The following ACP4 variants were observed in gnomAD, a reference collection of about 807,000 sequenced individuals.
ACP4 encodes acid phosphatase 4.
Under a neutral mutation model 47.3 loss-of-function variants are expected in ACP4, and 49 were observed. The observed-to-expected ratio is 1.04, with a 90% CI of 0.82 to 1.32. ACP4 has a LOEUF of 1.32. ACP4 is among the 40% of genes most tolerant of loss of function. ACP4 has a pLI of 0.00. For missense variants in ACP4, 594 were observed against 579.3 expected (o/e 1.03, Z -0.26); for synonymous variants, 299 against 265.3 (o/e 1.13, Z -1.23).
At chr19:50,794,045 A>C in intron 8 of ACP4, 75 bp downstream of exon 8, 1 of 1,552,932 alleles carries the variant, frequency 6.4e-7, no homozygotes, top group South Asian at 1.1e-5. Context: ...GGTGAGGAAG[A>C]GCCTGTGGTC....
At chr19:50,791,577 A>G in intron 3 of ACP4, 79 bp from the exon 4 acceptor site, 1 of 1,545,012 alleles carries the variant, frequency 6.5e-7, no homozygotes, top group Non-Finnish European at 8.8e-7. Context: ...AGTGAATCTG[A>G]GGCTTCTGAT....
At position 50,794,025 on chromosome 19, in the gene ACP4, C is replaced by G. The variant is rs2089533278; in HGVS notation, c.861+55C>G. The G allele has an allele frequency of 3.1e-6, 5 of 1,599,052 alleles. No individual in the cohort carries two copies. The African/African-American group carries it at 6.7e-5, about 21-fold the overall frequency. On this transcript the variant is annotated intron_variant, in intron 8 of 10. Transcript: ENST00000270593. Reference sequence around the variant, plus strand: ...CACTGAGGCACAGGGATGAGGGTGACAGCGATTTAGGTGAGGAAGAGCCTG... The same window carrying G: ...CACTGAGGCACAGGGATGAGGGTGAGAGCGATTTAGGTGAGGAAGAGCCTG...
chr19:50,793,610 G>C lies in ACP4; in HGVS notation c.646-74G>C, dbSNP rs1481943975. On this transcript the variant is annotated intron_variant, in intron 6 of 10. Transcript: ENST00000270593. ...CCATGGGGGGACTCAGAAGAGCAGG[G>C]GGCAGCACAGGCCTGCGGGGCCAGA... 6 of 1,578,370 alleles carry C rather than the reference G, an allele frequency of 3.8e-6. No homozygotes were observed. In the African/African-American group the frequency reaches 8.1e-5, roughly 21 times the overall value.
In ACP4 at chr19:50,794,769, A is replaced by G; in HGVS notation, c.987-17A>G. The G allele has an allele frequency of 1.9e-6, 3 of 1,586,022 alleles. No homozygotes were observed. The highest frequency in any genetic ancestry group is 1.7e-6 in the Non-Finnish European group (2 of 1,163,204). On this transcript the variant is annotated splice_polypyrimidine_tract_variant and intron_variant, in intron 9 of 10. Transcript: ENST00000270593. ...ATGACAGGAGGGAGGAGGTGCCACC[A>G]TGTCCTCTCTCTCCAGGAATGTCAC...
In ACP4 at chr19:50,790,821, C is replaced by T; in HGVS notation, c.264C>T (p.Arg88=). 1 of 1,548,920 alleles carries T rather than the reference C, an allele frequency of 6.5e-7. No homozygotes were observed. The highest frequency in any genetic ancestry group is 8.7e-7 in the Non-Finnish European group (1 of 1,146,798). ...AGCTGGGCCGCTTCCTGAGGAGCCG[C>T]TACGAGGCCTTCCTGAGTCCGGAGT... ...QLELGRFLRS[R]YEAFLSPEYR... The change falls in exon 3 of 11, where the codon CGC becomes CGT. Residue 88 remains arginine (R), a synonymous_variant. Transcript: ENST00000270593.
rs546603773 is a variant in ACP4, at chr19:50,791,780, C to G, written c.428C>G (p.Thr143Arg). 9 of 1,610,330 alleles carry G rather than the reference C, an allele frequency of 5.6e-6. No individual in the cohort carries two copies. The South Asian group carries it at 9.9e-5, about 18-fold the overall frequency. Residue 143 changes from threonine to arginine, a missense_variant, in exon 4 of 11, where the codon ACG becomes AGG. Thr to Arg is a moderately conservative substitution (Grantham distance 71). Transcript: ENST00000270593. ...CGCTGGAGGCCGATCCCGGTGCACA[C>G]GGTGCCCGTGGCTGAGGATAAGGTC... ...EARWRPIPVH[T>R]VPVAEDKLLR...
Position 50,794,933 on chromosome 19 carries a change from C to T in ACP4, c.1134C>T (p.Cys378=). 3.7e-6 allele frequency: 6 copies of T among 1,613,158 alleles called. No individual in the cohort carries two copies. Among genetic ancestry groups the T allele is most frequent in the Non-Finnish European group, 5.1e-6 (6 of 1,179,682 alleles). Residue 378 remains cysteine (C), a synonymous_variant, in exon 10 of 11, where the codon TGC becomes TGT. Coordinates refer to ENST00000270593, the MANE Select transcript of ACP4 (RefSeq NM_033068.3). ...PARPPAHGVS[C]HGPYEAAIPP... ...GGCCTCCCGCCCATGGGGTCTCCTG[C>T]CATGGCCCCTATGAGGCTGCCATCC...
chr19:50,792,660 CTGAAATGATGCAATGCTT>C (rs1416031009), intron 6 of ACP4: 1 of 248,858 alleles, frequency 4.0e-6, no homozygotes, highest in East Asian at 8.5e-5. Context: ...GGGAGCTGAC[CTGAAATGATGCAATGCTT>C]TTTTTTTTTT....
chr19:50,794,921 TG>T lies in ACP4; in HGVS notation c.1126del (p.Val376SerfsTer24). ...LTAPARPPAH[G>X]VSCHGPYEAA... is the part of the protein sequence containing the mutation. ...CTGCCCCGGCCCGGCCTCCCGCCCA[TG>T]GGGTCTCCTGCCATGGCCCCTATGA... On this transcript the variant is annotated frameshift_variant, in exon 10 of 11. Transcript: ENST00000270593. LOFTEE classifies it high-confidence loss of function. 1 of 1,613,432 alleles carries T rather than the reference TG, an allele frequency of 6.2e-7. No individual in the cohort carries two copies. The highest frequency in any genetic ancestry group is 8.5e-7 in the Non-Finnish European group (1 of 1,179,874).
At chr19:50,791,346 C>A (rs999269696) in intron 3 of ACP4, among the ~76,000 whole-genome samples, 1 of 152,172 alleles carries the variant, frequency 6.6e-6, no homozygotes, top group South Asian at 2.1e-4. Context: ...GACTCCAAGT[C>A]CTCCAAGCTG....
chr19:50,793,702 C>T lies in ACP4; in HGVS notation c.664C>T (p.Leu222=). The T allele has an allele frequency of 6.2e-7, 1 of 1,613,594 alleles. No individual in the cohort carries two copies. Among genetic ancestry groups the T allele is most frequent in the Non-Finnish European group, 8.5e-7 (1 of 1,180,014 alleles). The change falls in exon 7 of 11, where the codon CTA becomes TTA. Residue 222 remains leucine, a synonymous_variant. Coordinates refer to ENST00000270593, the MANE Select transcript of ACP4 (RefSeq NM_033068.3). ...CCCACAGCAAGCCCACGGTCTTCCA[C>T]TACCAGCCTGGGCCTCCCCAGATGT... The part of the protein sequence containing the change: ...LMCQQAHGLP[L]PAWASPDVLR...
At position 50,795,124 on chromosome 19, in the gene ACP4, C is replaced by A; in HGVS notation, c.1247C>A (p.Pro416Gln). The A allele has an allele frequency of 6.4e-7, 1 of 1,564,446 alleles. No homozygotes were observed. The highest frequency in any genetic ancestry group is 1.4e-5 in the African/African-American group (1 of 73,718). Residue 416 changes from proline to glutamine, a missense_variant, in exon 11 of 11, where the codon CCA becomes CAA. By Grantham distance (76) the Pro-to-Gln change is moderately conservative (BLOSUM62 -1). Transcript: ENST00000270593. Reference sequence around the variant, plus strand: ...GGGCTGGGCCTGCTGGCCTGGAGACCAGGGTGCCTGCGGGCCTTGGGGGGC... The same window carrying A: ...GGGCTGGGCCTGCTGGCCTGGAGACAAGGGTGCCTGCGGGCCTTGGGGGGC... ...SLGLGLLAWR[P>Q]GCLRALGGPV
chr19:50,791,526 T>G, intron 3 of ACP4, 130 bp from the exon 4 acceptor site: 1 of 1,351,004 alleles, frequency 7.4e-7, no homozygotes, highest in South Asian at 1.3e-5. Context: ...ACTTCCAACT[T>G]CGAAGGCCAC....
chr19:50,794,616 G>A (rs756968722), intron 9 of ACP4, 35 bp downstream of exon 9: 1 of 1,613,844 alleles, frequency 6.2e-7, no homozygotes. Flanking sequence ...ACATGGGTGG[G>A]ACAGAACTCT....
chr19:50,794,894 G>A lies in ACP4; in HGVS notation c.1095G>A (p.Leu365=), dbSNP rs1389435787. ...APCPLGRFYQ[L]TAPARPPAHG... is the part of the protein sequence containing the mutation. ...GTCCACTAGGCCGCTTCTACCAGCT[G>A]ACTGCCCCGGCCCGGCCTCCCGCCC... Residue 365 remains leucine, a synonymous_variant, in exon 10 of 11, where the codon CTG becomes CTA. Coordinates refer to ENST00000270593, the MANE Select transcript of ACP4 (RefSeq NM_033068.3). 6.2e-7 allele frequency: 1 copy of A among 1,613,678 alleles called. No individual in the cohort carries two copies. The highest frequency in any genetic ancestry group is 8.5e-7 in the Non-Finnish European group (1 of 1,179,946).
At chr19:50,792,385 A>G in intron 6 of ACP4, 48 bp downstream of exon 6, 1 of 1,580,624 alleles carries the variant, frequency 6.3e-7, no homozygotes, top group Non-Finnish European at 8.6e-7. Flanking sequence ...ACCTGTTTCC[A>G]ATCCCAGCTT....
chr19:50,792,111 C>G lies in ACP4; in HGVS notation c.489C>G (p.His163Gln), dbSNP rs144958224. Residue 163 changes from histidine (H) to glutamine (Q), a missense_variant, in exon 5 of 11, where the codon CAC becomes CAG. Physicochemically the swap from His to Gln is conservative, Grantham distance 24. Coordinates refer to ENST00000270593, the MANE Select transcript of ACP4 (RefSeq NM_033068.3). ...RFPMRSCPRY[H>Q]ELLREATEAA... is the part of the protein sequence containing the mutation. The stretch of plus-strand genomic sequence containing the variant: ...CCATGCGCAGCTGTCCCCGATACCA[C>G]GAGCTGCTGCGGGAGGCCACCGAGG... The G allele has an allele frequency of 3.7e-6, 6 of 1,604,342 alleles. No individual in the cohort carries two copies. Among genetic ancestry groups the G allele is most frequent in the Non-Finnish European group, 5.1e-6 (6 of 1,176,982 alleles).
chr19:50,794,481 CA>C lies in ACP4; in HGVS notation c.887del (p.Gln296ArgfsTer64). The part of the protein sequence containing the change: ...SAHDSTLLAL[Q>X]GALGLYDGHT... Reference sequence around the variant, plus strand: ...GCATGACAGCACCCTGCTGGCCCTCCAGGGGGCCCTGGGCCTCTATGATGGA... The same window carrying C: ...GCATGACAGCACCCTGCTGGCCCTCCGGGGGCCCTGGGCCTCTATGATGGA... On this transcript the variant is annotated frameshift_variant, in exon 9 of 11. Transcript: ENST00000270593. LOFTEE classifies it high-confidence loss of function. 1 of 1,613,524 alleles carries C rather than the reference CA, an allele frequency of 6.2e-7. No homozygotes were observed.
chr19:50,790,550 C>T (rs1435837460), intron 1 of ACP4, 25 bp downstream of exon 1: 2 of 1,540,296 alleles, frequency 1.3e-6, no homozygotes, highest in Non-Finnish European at 1.8e-6. Context: ...CCCCGGCCTG[C>T]CCTTAGCTCC....
Sources: allele counts gnomAD v4.1 joint callset (sites outside exome capture counted in the v4.1 genomes callset), GRCh38; gene constraint gnomAD v4.1.1; transcripts MANE v1.5; gene names NCBI Gene and HGNC (gene_info 2026-07-23, HGNC 2026-07-21).